Variants in MAST4 observed in about 807,000 individuals in gnomAD.
MAST4 encodes the protein microtubule associated serine/threonine kinase family member 4.
In MAST4, 89 loss-of-function variants were observed where a neutral mutation model predicts 162.7. That is an observed-to-expected ratio of 0.55 (90% confidence interval 0.46 to 0.65). MAST4 has a LOEUF of 0.65. Ranked by LOEUF, MAST4 falls within the 30% of genes least tolerant of loss-of-function variation. The pLI is 0.00. For synonymous variants in MAST4, 1,479 were observed against 1,361.1 expected (o/e 1.09, Z -1.91); for missense variants, 3,153 against 3,374.0 (o/e 0.93, Z 1.62).
At chr5:66,936,660 A>T (rs573050636) in intron 4 of MAST4, among the ~76,000 whole-genome samples, 1 of 152,314 alleles carries the variant, frequency 6.6e-6, no homozygotes, top group East Asian at 1.9e-4. Context: ...GTCCATCTGG[A>T]TGTGTACATG....
chr5:66,930,862 G>T (rs1257491021), intron 4 of MAST4: 1 of 460,304 alleles, frequency 2.2e-6, no homozygotes. Flanking sequence ...GAGATGGATA[G>T]AATTGTTGTG....
At chr5:66,852,629 C>T (rs1173402532) in intron 3 of MAST4, among the ~76,000 whole-genome samples, 6 of 152,122 alleles carry the variant, frequency 3.9e-5, no homozygotes, top group Non-Finnish European at 7.4e-5. Flanking sequence ...TGGATTTTTG[C>T]ACAACTGAAA....
chr5:67,125,320 G>A (rs964209173), intron 14 of MAST4, among the ~76,000 whole-genome samples: 7 of 151,324 alleles, frequency 4.6e-5, no homozygotes, highest in Admixed American at 2.0e-4. Flanking sequence ...TGTTACATAG[G>A]TATACACATG....
At chr5:66,723,431 G>A (rs540957057) in intron 1 of MAST4, among the ~76,000 whole-genome samples, 46 of 152,270 alleles carry the variant, frequency 3.0e-4, no homozygotes, top group African/African-American at 8.4e-4. Context: ...TGTCAGTGCT[G>A]TAGACTATAA....
intron 3 of MAST4, among the ~76,000 whole-genome samples, chr5:66,885,896 G>A (rs1264711009): frequency 6.6e-6 from 1 of 152,172 alleles, no homozygotes; most frequent in Non-Finnish European, 1.5e-5. Context: ...ATTTAAGATA[G>A]AATAATAATC....
chr5:66,686,308 G>A (rs1561261816), intron 1 of MAST4, among the ~76,000 whole-genome samples: 2 of 152,000 alleles, frequency 1.3e-5, no homozygotes, highest in Non-Finnish European at 2.9e-5. Context: ...AACAAATGTT[G>A]CCATTAGTAG....
intron 1 of MAST4, among the ~76,000 whole-genome samples, chr5:66,685,816 G>A (rs551543121): frequency 6.6e-6 from 1 of 152,196 alleles, no homozygotes; most frequent in African/African-American, 2.4e-5. Context: ...TAGAGCAGTG[G>A]TCCCCAGTCT....
In MAST4 at chr5:67,048,970, C is replaced by CATAT. The variant is rs367955442; in HGVS notation, c.675-5421_675-5418dup. 2.9e-3 allele frequency among the ~76,000 whole-genome samples: 345 copies of CATAT among 117,910 alleles called. 1 individual carries two copies. Among genetic ancestry groups the CATAT allele is most frequent in the African/African-American group, 0.01 (306 of 29,572 alleles). The allele number at this position is 117,910 out of a possible 152,430, so 77.4% of individuals were successfully genotyped here. A position where few individuals can be genotyped will look rare whatever the true frequency, so the allele number is the denominator to read the frequency against. ...ACATATAGTGTGGTTATACATATAG[C>CATAT]ATATATATATATATATGTATATATA... On this transcript the variant is annotated intron_variant, in intron 4 of 28. Coordinates refer to ENST00000403625, the MANE Select transcript of MAST4 (RefSeq NM_001164664.2).
chr5:66,728,899 C>T (rs1035590927), intron 1 of MAST4, among the ~76,000 whole-genome samples: 9 of 152,054 alleles, frequency 5.9e-5, no homozygotes, highest in African/African-American at 2.2e-4. Context: ...TGTCTGGGTC[C>T]CTTGGAGGGG....
intron 5 of MAST4, among the ~76,000 whole-genome samples, chr5:67,080,207 G>A (rs1762437924): frequency 6.6e-6 from 1 of 152,132 alleles, no homozygotes; most frequent in Admixed American, 6.5e-5. Context: ...TCTGGCCCTA[G>A]CAAAGTGTCC....
intron 1 of MAST4, among the ~76,000 whole-genome samples, chr5:66,688,400 G>A (rs928913925): frequency 6.6e-6 from 1 of 152,208 alleles, no homozygotes; most frequent in Non-Finnish European, 1.5e-5. Context: ...CTATCTGGAA[G>A]TGCTATAATG....
At chr5:66,671,938 T>C (rs1239187125) in intron 1 of MAST4, among the ~76,000 whole-genome samples, 1 of 152,226 alleles carries the variant, frequency 6.6e-6, no homozygotes, top group Non-Finnish European at 1.5e-5. Flanking sequence ...TTTAAAAGCA[T>C]CTTGTAATGT....
intron 5 of MAST4, 139 bp from the exon 6 acceptor site, chr5:67,090,023 C>G (rs1390531017): frequency 3.3e-6 from 2 of 598,992 alleles, no homozygotes; most frequent in Non-Finnish European, 2.9e-6. Flanking sequence ...CATCCCTGGT[C>G]CAGGTAAAAC....
At chr5:66,836,559 G>A (rs765188496) in intron 3 of MAST4, among the ~76,000 whole-genome samples, 13 of 152,058 alleles carry the variant, frequency 8.5e-5, no homozygotes, top group Non-Finnish European at 1.6e-4. Context: ...CCCATCAATG[G>A]TAGACTGGAT....
chr5:66,897,123 G>A (rs924697964), intron 3 of MAST4, among the ~76,000 whole-genome samples: 14 of 152,194 alleles, frequency 9.2e-5, no homozygotes, highest in African/African-American at 3.4e-4. Context: ...TCAACAATTA[G>A]CATATTGTTT....
At chr5:66,857,372 G>A (rs1437465789) in intron 3 of MAST4, among the ~76,000 whole-genome samples, 5 of 152,188 alleles carry the variant, frequency 3.3e-5, no homozygotes, top group Admixed American at 2.6e-4. Context: ...GGACATCCAT[G>A]TGTGGATTGC....
At chr5:67,024,482 T>C (rs1561545279) in intron 4 of MAST4, among the ~76,000 whole-genome samples, 1 of 150,740 alleles carries the variant, frequency 6.6e-6, no homozygotes, top group Non-Finnish European at 1.5e-5. Context: ...TATATAGATA[T>C]ATACATATCT....
intron 6 of MAST4, among the ~76,000 whole-genome samples, chr5:67,093,274 A>G (rs879734266): frequency 2.0e-5 from 3 of 152,016 alleles, no homozygotes; most frequent in Admixed American, 6.6e-5. Context: ...AAGGAAAAAG[A>G]CTCTTTTCAA....
chr5:66,675,112 A>T (rs996260906), intron 1 of MAST4, among the ~76,000 whole-genome samples: 1 of 152,142 alleles, frequency 6.6e-6, no homozygotes, highest in Non-Finnish European at 1.5e-5. Flanking sequence ...CTTCTGTGCC[A>T]TGCACTCCAA....
Sources: gnomAD v4.1 joint callset for allele counts (sites outside exome capture counted in the v4.1 genomes callset) on GRCh38, gnomAD v4.1.1 for gene constraint, MANE v1.5 for transcripts, NCBI Gene and HGNC (gene_info 2026-07-23, HGNC 2026-07-21) for gene names.